FBXL7: variants seen among roughly 807,000 people sequenced by gnomAD.
The protein encoded by FBXL7 is F-box/LRR-repeat protein 7.
Under a neutral mutation model 38.3 loss-of-function variants are expected in FBXL7, and 12 were observed. The observed-to-expected ratio is 0.31, with a 90% CI of 0.20 to 0.51. The LOEUF (loss-of-function observed/expected upper bound fraction) is 0.51, where lower values mean the gene tolerates loss of function less well. Among genes scored for constraint, FBXL7 ranks in the 20% least tolerant of loss-of-function variants. FBXL7 has a pLI of 0.98. For synonymous variants in FBXL7, 297 were observed against 300.9 expected, an observed-to-expected ratio of 0.99 and a Z score of 0.13; for missense variants, 567 against 676.4, an observed-to-expected ratio of 0.84 and a Z score of 1.79.
chr5:15,588,261 T>C (rs1184093496), intron 1 of FBXL7, among the ~76,000 whole-genome samples: 1 of 152,178 alleles, frequency 6.6e-6, no homozygotes, highest in African/African-American at 2.4e-5. Context: ...ATTCCCAAAA[T>C]AAGCTATCAC....
chr5:15,576,645 A>C (rs573816367), intron 1 of FBXL7, among the ~76,000 whole-genome samples: 80 of 152,326 alleles, frequency 5.3e-4, no homozygotes, highest in African/African-American at 1.9e-3. Context: ...TGCTTAACTT[A>C]ATGGCTGGTG....
chr5:15,740,996 C>T (rs1409726366), intron 2 of FBXL7, among the ~76,000 whole-genome samples: 1 of 152,066 alleles, frequency 6.6e-6, no homozygotes, highest in Non-Finnish European at 1.5e-5. Flanking sequence ...AATAAAGTCT[C>T]CTGTGTTCTT....
At chr5:15,781,987 C>T (rs1024771242) in intron 2 of FBXL7, among the ~76,000 whole-genome samples, 7 of 152,070 alleles carry the variant, frequency 4.6e-5, no homozygotes, top group Non-Finnish European at 1.0e-4. Context: ...CCTTGCCACC[C>T]ACCCACTGAC....
chr5:15,636,099 C>T (rs1287703603), intron 2 of FBXL7, among the ~76,000 whole-genome samples: 1 of 143,296 alleles, frequency 7.0e-6, no homozygotes, highest in Admixed American at 6.8e-5. Context: ...CTTTGTATAT[C>T]TGTTTTTTTT....
At chr5:15,875,223 A>G (rs932638726) in intron 2 of FBXL7, among the ~76,000 whole-genome samples, 7 of 152,218 alleles carry the variant, frequency 4.6e-5, no homozygotes, top group African/African-American at 1.2e-4. Context: ...CAGAAAGTTG[A>G]CACTGGACCC....
rs184468610 is a variant in FBXL7 at position 15,619,157 on chromosome 5, A to T, written c.127+3085A>T. On this transcript the variant is annotated intron_variant, in intron 2 of 3. Transcript: ENST00000504595. ...TGTTTAGGGAGTTGTACGCATGCCCATCTGAGGATTTCTTCCTTTTTCCCC... is the reference window on the plus strand; with the variant it reads ...TGTTTAGGGAGTTGTACGCATGCCCTTCTGAGGATTTCTTCCTTTTTCCCC... Among the ~76,000 whole-genome samples, 100 of 152,276 alleles carry T rather than the reference A, an allele frequency of 6.6e-4. 2 individuals are homozygous for T. Among genetic ancestry groups the T allele is most frequent in the Middle Eastern group, 3.4e-3 (1 of 294 alleles).
chr5:15,830,711 T>C (rs544541324), intron 2 of FBXL7, among the ~76,000 whole-genome samples: 2 of 152,240 alleles, frequency 1.3e-5, no homozygotes, highest in African/African-American at 2.4e-5. Flanking sequence ...ATTAGTGAGG[T>C]TGAACCTTTT....
intron 1 of FBXL7, among the ~76,000 whole-genome samples, chr5:15,562,701 CCT>C (rs775989959): frequency 6.6e-4 from 100 of 152,090 alleles, no homozygotes; most frequent in Admixed American, 2.4e-3. Flanking sequence ...CTCCTCCCTT[CCT>C]CTCTCCATTC....
At chr5:15,926,727 A>ATT (rs1472983848) in intron 2 of FBXL7, among the ~76,000 whole-genome samples, 2 of 152,128 alleles carry the variant, frequency 1.3e-5, no homozygotes, top group Non-Finnish European at 2.9e-5. Context: ...GAGGTTGTTA[A>ATT]TAAGAAGAAA....
chr5:15,657,842 TA>T (rs70938025), intron 2 of FBXL7, among the ~76,000 whole-genome samples: 17,751 of 146,478 alleles, frequency 0.12, 1,165 homozygotes, highest in Middle Eastern at 0.16. Flanking sequence ...TTGTCTAAAT[TA>T]AAAAAAAAAA....
intron 2 of FBXL7, among the ~76,000 whole-genome samples, chr5:15,727,285 A>G (rs1422358009): frequency 1.3e-5 from 2 of 152,132 alleles, no homozygotes; most frequent in Non-Finnish European, 1.5e-5. Flanking sequence ...CTATATATTT[A>G]TATTCATTGA....
At chr5:15,897,169 A>T (rs766180966) in intron 2 of FBXL7, among the ~76,000 whole-genome samples, 1 of 152,062 alleles carries the variant, frequency 6.6e-6, no homozygotes, top group Non-Finnish European at 1.5e-5. Flanking sequence ...TTTCATAAAC[A>T]TAGTTTTTCC....
At chr5:15,918,645 C>A (rs1038602679) in intron 2 of FBXL7, among the ~76,000 whole-genome samples, 1 of 152,216 alleles carries the variant, frequency 6.6e-6, no homozygotes, top group Non-Finnish European at 1.5e-5. Flanking sequence ...CAGTGAAGAG[C>A]TGAACAGTGG....
chr5:15,845,614 T>A (rs186916474), intron 2 of FBXL7, among the ~76,000 whole-genome samples: 2,914 of 152,254 alleles, frequency 0.019, 34 homozygotes, highest in Non-Finnish European at 0.032. Context: ...AGATTAAACA[T>A]TATATCATTA....
intron 1 of FBXL7, among the ~76,000 whole-genome samples, chr5:15,612,124 C>T (rs1294812796): frequency 2.6e-5 from 4 of 151,938 alleles, no homozygotes; most frequent in Admixed American, 1.3e-4. Flanking sequence ...ACAATCCACC[C>T]CCCCAAGAAA....
chr5:15,887,078 G>C (rs944345858), intron 2 of FBXL7, among the ~76,000 whole-genome samples: 4 of 152,164 alleles, frequency 2.6e-5, no homozygotes, highest in African/African-American at 9.7e-5. Context: ...TTATAAATGT[G>C]TATCTCCCAT....
chr5:15,602,728 TC>T lies in FBXL7; in HGVS notation c.38-13249del, dbSNP rs571378204. Among the ~76,000 whole-genome samples the T allele has an allele frequency of 3.3e-5, 5 of 151,308 alleles. No homozygotes were observed. In the South Asian group the frequency reaches 1.0e-3, roughly 32 times the overall value. ...CTTCAGATCCCAAGTCCCTTTACCC[TC>T]CCCCCAAAAAGAAGAATAAAATACT... is the stretch of plus-strand genomic sequence containing the variant. On this transcript the variant is annotated intron_variant, in intron 1 of 3. Transcript: ENST00000504595.
intron 2 of FBXL7, among the ~76,000 whole-genome samples, chr5:15,870,204 T>C (rs1451925059): frequency 6.6e-6 from 1 of 151,728 alleles, no homozygotes; most frequent in African/African-American, 2.4e-5. Context: ...GGGGGTGGGA[T>C]GGGGATGATG....
intron 1 of FBXL7, among the ~76,000 whole-genome samples, chr5:15,548,593 C>T (rs1015500505): frequency 9.2e-5 from 14 of 152,154 alleles, no homozygotes; most frequent in African/African-American, 3.4e-4. Context: ...TGGCCACTGT[C>T]AATAGAGAAA....
Sources: allele counts gnomAD v4.1 joint callset (sites outside exome capture counted in the v4.1 genomes callset), GRCh38; gene constraint gnomAD v4.1.1; transcripts MANE v1.5; gene names NCBI Gene and HGNC (gene_info 2026-07-23, HGNC 2026-07-21).